WDR7: variants seen among roughly 807,000 people sequenced by gnomAD.
WDR7 encodes the protein WD repeat domain 7.
Under a neutral mutation model 169.4 loss-of-function variants are expected in WDR7, and 46 were observed. The observed-to-expected ratio is 0.27, with a 90% CI of 0.21 to 0.35. The LOEUF is 0.35. Among genes scored for constraint, WDR7 ranks in the 10% least tolerant of loss-of-function variants. The pLI is 1.00. For missense variants in WDR7, 1,534 were observed against 1,859.3 expected (o/e 0.83, Z 3.22); for synonymous variants, 612 against 666.8 (o/e 0.92, Z 1.27).
intron 12 of WDR7, among the ~76,000 whole-genome samples, chr18:56,710,246 G>T (rs8096402): frequency 6.6e-6 from 1 of 151,708 alleles, no homozygotes; most frequent in African/African-American, 2.4e-5. Context: ...CTTGTGATCC[G>T]CCTGCCTCAG....
At chr18:56,728,465 T>C (rs1438517424) in intron 13 of WDR7, among the ~76,000 whole-genome samples, 1 of 152,196 alleles carries the variant, frequency 6.6e-6, no homozygotes, top group South Asian at 2.1e-4. Context: ...CTGAAGTAGA[T>C]GATGCTGCCT....
intron 20 of WDR7, among the ~76,000 whole-genome samples, chr18:56,866,595 T>C (rs1365657352): frequency 6.6e-6 from 1 of 152,184 alleles, no homozygotes; most frequent in Non-Finnish European, 1.5e-5. Flanking sequence ...TTAGATAAAT[T>C]ATTTTTTCTT....
At chr18:56,869,438 A>G (rs1360410675) in intron 20 of WDR7, among the ~76,000 whole-genome samples, 2 of 152,186 alleles carry the variant, frequency 1.3e-5, no homozygotes, top group African/African-American at 4.8e-5. Flanking sequence ...GGGAAGTAAC[A>G]CAGCAGCAAC....
intron 22 of WDR7, among the ~76,000 whole-genome samples, chr18:56,930,955 T>C (rs1013457280): frequency 6.6e-6 from 1 of 152,220 alleles, no homozygotes; most frequent in African/African-American, 2.4e-5. Flanking sequence ...TTCACCACGA[T>C]GGAGTGAGCT....
At chr18:56,660,860 T>C (rs1015522568) in intron 1 of WDR7, among the ~76,000 whole-genome samples, 1 of 152,130 alleles carries the variant, frequency 6.6e-6, no homozygotes, top group African/African-American at 2.4e-5. Context: ...GGGGAGGTCA[T>C]TGGTGACCTT....
chr18:56,777,675 T>C (rs1427025006), intron 17 of WDR7, among the ~76,000 whole-genome samples: 1 of 152,168 alleles, frequency 6.6e-6, no homozygotes, highest in Admixed American at 6.5e-5. Flanking sequence ...ATCAAAAATA[T>C]AACAGTAAGA....
At chr18:56,734,172 G>A (rs1259418120) in intron 14 of WDR7, among the ~76,000 whole-genome samples, 1 of 152,082 alleles carries the variant, frequency 6.6e-6, no homozygotes, top group African/African-American at 2.4e-5. Context: ...TTTGGTGAGT[G>A]AAGTTGTGTA....
At chr18:56,691,131 G>C in intron 7 of WDR7, 85 bp from the exon 8 acceptor site, 1 of 1,513,944 alleles carries the variant, frequency 6.6e-7, no homozygotes, top group Non-Finnish European at 8.8e-7. Context: ...ACATTTCCAG[G>C]CTTTTTTTTT....
chr18:56,691,797 T>C lies in WDR7; in HGVS notation c.946T>C (p.Leu316=). Reference sequence around the variant, plus strand: ...AATTCCTCCTGTACAACATATCCTCTTGGATCGAAAAGATAAAGAGGTAAA... The same window carrying C: ...AATTCCTCCTGTACAACATATCCTCCTGGATCGAAAAGATAAAGAGGTAAA... ...NLIPPVQHIL[L]DRKDKELLIC... is the part of the protein sequence containing the mutation. Residue 316 remains leucine (L), a synonymous_variant, in exon 9 of 28, where the codon TTG becomes CTG. Transcript: ENST00000254442. 6.2e-7 allele frequency: 1 copy of C among 1,610,556 alleles called. No homozygotes were observed. The highest frequency in any genetic ancestry group is 1.7e-5 in the Admixed American group (1 of 59,326).
intron 16 of WDR7, among the ~76,000 whole-genome samples, chr18:56,770,036 T>C (rs1175793571): frequency 6.6e-6 from 1 of 152,158 alleles, no homozygotes; most frequent in Admixed American, 6.5e-5. Context: ...CAGTGGCTGA[T>C]ACATAGAAGG....
chr18:56,722,886 C>A (rs929154830), intron 13 of WDR7, among the ~76,000 whole-genome samples: 2 of 152,094 alleles, frequency 1.3e-5, no homozygotes, highest in African/African-American at 4.8e-5. Context: ...TTATTGGGTA[C>A]CCTGCCTACT....
At chr18:56,927,333 TTGG>T (rs2046821947) in intron 22 of WDR7, among the ~76,000 whole-genome samples, 1 of 152,066 alleles carries the variant, frequency 6.6e-6, no homozygotes, top group South Asian at 2.1e-4. Flanking sequence ...CTGGCTGGGC[TTGG>T]TGGCTCATGC....
chr18:56,999,404 A>T (rs1440294986), intron 26 of WDR7, among the ~76,000 whole-genome samples: 1 of 152,204 alleles, frequency 6.6e-6, no homozygotes, highest in Non-Finnish European at 1.5e-5. Context: ...TGAAGTAGTG[A>T]TAATGGTTTA....
intron 21 of WDR7, among the ~76,000 whole-genome samples, chr18:56,900,716 G>C (rs951397612): frequency 6.6e-6 from 1 of 152,126 alleles, no homozygotes; most frequent in Non-Finnish European, 1.5e-5. Flanking sequence ...CCTGTGAGTG[G>C]AGGCAGCTTG....
At chr18:56,758,718 A>G in intron 15 of WDR7, 147 bp from the exon 16 acceptor site, 1 of 564,540 alleles carries the variant, frequency 1.8e-6, no homozygotes, top group Non-Finnish European at 2.8e-6. Context: ...CCAAACCAAA[A>G]AAAATCTTTC....
At chr18:56,966,161 T>C (rs550888915) in intron 26 of WDR7, among the ~76,000 whole-genome samples, 3 of 152,182 alleles carry the variant, frequency 2.0e-5, no homozygotes, top group African/African-American at 4.8e-5. Flanking sequence ...CAATTGAGGA[T>C]TTATAACCAA....
rs373562178 is a variant in WDR7 at position 56,973,912 on chromosome 18, G to A, written c.4164+11383G>A. Among the ~76,000 whole-genome samples the A allele has an allele frequency of 2.4e-4, 37 of 152,280 alleles. No homozygotes were observed. The South Asian group carries it at 6.8e-3, about 28-fold the overall frequency. ...ACTTCATCAAAAATGTTGCTCAAGT[G>A]TAGGATCATATAAAATGATGTATGT... On this transcript the variant is annotated intron_variant, in intron 26 of 27. Coordinates refer to ENST00000254442, the MANE Select transcript of WDR7 (RefSeq NM_015285.3).
At chr18:56,872,403 T>C (rs1330415275) in intron 20 of WDR7, among the ~76,000 whole-genome samples, 1 of 152,158 alleles carries the variant, frequency 6.6e-6, no homozygotes, top group African/African-American at 2.4e-5. Flanking sequence ...CTTAAACTTC[T>C]CAAATATTTT....
At chr18:56,688,023 G>C (rs930439449) in intron 7 of WDR7, among the ~76,000 whole-genome samples, 1 of 152,178 alleles carries the variant, frequency 6.6e-6, no homozygotes, top group Admixed American at 6.5e-5. Flanking sequence ...GATCACTGGG[G>C]CCCTGTTAGA....
Sources: gnomAD v4.1 joint callset for allele counts (sites outside exome capture counted in the v4.1 genomes callset) on GRCh38, gnomAD v4.1.1 for gene constraint, MANE v1.5 for transcripts, NCBI Gene and HGNC (gene_info 2026-07-23, HGNC 2026-07-21) for gene names.